Variants in CD2AP observed in about 807,000 individuals in gnomAD.
The protein encoded by CD2AP is CD2-associated protein.
In CD2AP, 46 loss-of-function variants were observed where a neutral mutation model predicts 85.1. The ratio of observed to expected loss-of-function variants is 0.54; its 90% CI spans 0.43 to 0.69. The LOEUF (loss-of-function observed/expected upper bound fraction) is 0.69. Ranked by LOEUF, CD2AP falls within the 30% of genes least tolerant of loss-of-function variation. CD2AP has a pLI of 0.00. For missense variants in CD2AP, 769 were observed against 729.5 expected, an observed-to-expected ratio of 1.05 and a Z score of -0.62; for synonymous variants, 255 against 252.9, an observed-to-expected ratio of 1.01 and a Z score of -0.08.
intron 11 of CD2AP, among the ~76,000 whole-genome samples, chr6:47,593,683 A>C (rs1043618345): frequency 3.3e-5 from 5 of 152,126 alleles, no homozygotes; most frequent in African/African-American, 1.2e-4. Context: ...GATGTGGAGA[A>C]ATTGGACTTT....
At chr6:47,589,349 A>G (rs1768711345) in intron 11 of CD2AP, among the ~76,000 whole-genome samples, 1 of 109,500 alleles carries the variant, frequency 9.1e-6, no homozygotes, top group South Asian at 3.1e-4. Flanking sequence ...ACATTTAAGA[A>G]GTTGTTTGAT....
intron 11 of CD2AP, among the ~76,000 whole-genome samples, chr6:47,589,565 C>CACATATAT (rs139814970): frequency 5.0e-5 from 6 of 120,942 alleles, no homozygotes; most frequent in South Asian, 3.0e-4. Flanking sequence ...CACACACACA[C>CACATATAT]ATATATATAT....
intron 4 of CD2AP, among the ~76,000 whole-genome samples, chr6:47,548,439 A>T (rs1346619458): frequency 6.6e-6 from 1 of 152,118 alleles, no homozygotes; most frequent in Non-Finnish European, 1.5e-5. Flanking sequence ...CTGCACATAA[A>T]CTAGAAAACC....
intron 17 of CD2AP, among the ~76,000 whole-genome samples, chr6:47,620,743 T>A (rs181686163): frequency 6.6e-5 from 10 of 152,218 alleles, no homozygotes; most frequent in Admixed American, 1.3e-4. Context: ...GTAGTTTTCC[T>A]TGTAGAGGTC....
intron 17 of CD2AP, among the ~76,000 whole-genome samples, chr6:47,623,283 G>A (rs1355881217): frequency 6.6e-6 from 1 of 152,208 alleles, no homozygotes; most frequent in African/African-American, 2.4e-5. Context: ...GCCAAAGCAT[G>A]TATTGTTTAT....
chr6:47,582,483 T>C (rs1768506725), intron 11 of CD2AP, among the ~76,000 whole-genome samples: 1 of 152,224 alleles, frequency 6.6e-6, no homozygotes, highest in Non-Finnish European at 1.5e-5. Flanking sequence ...TGGAAAGTTA[T>C]TCCAGGGTAC....
At chr6:47,617,856 T>C (rs1224014048) in intron 17 of CD2AP, among the ~76,000 whole-genome samples, 1 of 152,236 alleles carries the variant, frequency 6.6e-6, no homozygotes, top group Non-Finnish European at 1.5e-5. Flanking sequence ...CTTTACTTGC[T>C]GATTCTCCAT....
At chr6:47,606,060 T>C in intron 13 of CD2AP, 105 bp from the exon 14 acceptor site, 1 of 674,026 alleles carries the variant, frequency 1.5e-6, no homozygotes, top group Non-Finnish European at 2.6e-6. Flanking sequence ...TTCAAAGTAG[T>C]GGTACTCTTT....
chr6:47,576,430 A>G, intron 6 of CD2AP, 94 bp from the exon 7 acceptor site: 1 of 857,248 alleles, frequency 1.2e-6, no homozygotes, highest in Non-Finnish European at 2.0e-6. Context: ...AAGTACCATT[A>G]GGGAAAGCTG....
rs186496791 is a variant in CD2AP, at chr6:47,500,151, T to G, written c.5-3129T>G. Among the ~76,000 whole-genome samples the G allele has an allele frequency of 1.1e-3, 163 of 152,354 alleles. No individual in the cohort carries two copies. In the South Asian group the frequency reaches 0.012, roughly 11 times the overall value. On this transcript the variant is annotated intron_variant, in intron 1 of 17. Coordinates refer to ENST00000359314, the MANE Select transcript of CD2AP (RefSeq NM_012120.3). ...ATTCATCCATAATAGCTGTACTAGT[T>G]TTCCTAAGCTATTTTTTATTTTTTT...
chr6:47,545,567 C>T (rs1012953190), intron 4 of CD2AP, among the ~76,000 whole-genome samples: 4 of 152,256 alleles, frequency 2.6e-5, no homozygotes, highest in African/African-American at 9.6e-5. Flanking sequence ...GTGCATTAAA[C>T]AGCCAGAGCT....
chr6:47,545,469 G>A (rs927331814), intron 4 of CD2AP, among the ~76,000 whole-genome samples: 1 of 152,062 alleles, frequency 6.6e-6, no homozygotes, highest in African/African-American at 2.4e-5. Flanking sequence ...CTAAGGCCCA[G>A]CCTATCACCT....
chr6:47,495,373 C>A (rs1765834529), intron 1 of CD2AP, among the ~76,000 whole-genome samples: 1 of 152,076 alleles, frequency 6.6e-6, no homozygotes, highest in Non-Finnish European at 1.5e-5. Flanking sequence ...CTGGCAGCCA[C>A]CAGAAGCCAG....
chr6:47,624,163 T>C lies in CD2AP; in HGVS notation c.1879-23T>C, dbSNP rs534735677. 3.4e-4 allele frequency: 539 copies of C among 1,581,010 alleles called. 5 individuals carry two copies. In the South Asian group the frequency reaches 5.7e-3, roughly 17 times the overall value. ...TAAACTAAGGATATTTTATGTTTGC[T>C]CAATTTATGTTTTTTGTTTTAGATG... On this transcript the variant is annotated intron_variant, in intron 17 of 17. Transcript: ENST00000359314.
chr6:47,595,869 T>A lies in CD2AP; in HGVS notation c.1117T>A (p.Ser373Thr). The A allele has an allele frequency of 6.2e-7, 1 of 1,611,804 alleles. No individual in the cohort carries two copies. The highest frequency in any genetic ancestry group is 1.1e-5 in the South Asian group (1 of 90,918). The stretch of plus-strand genomic sequence containing the variant: ...AATATTTTAAATCTTAGATGAAAAA[T>A]CAACACTGGAACAGAAACCTTCTAA... ...SLKPEEKDEKSTLEQKPSKPA... is the reference protein window; with the variant it reads ...SLKPEEKDEKTTLEQKPSKPA... The change falls in exon 12 of 18, where the codon TCA (serine) becomes ACA (threonine). Residue 373 changes from serine to threonine, a missense_variant. Coordinates refer to ENST00000359314, the MANE Select transcript of CD2AP (RefSeq NM_012120.3).
At chr6:47,520,921 C>T (rs927061843) in intron 2 of CD2AP, among the ~76,000 whole-genome samples, 1 of 151,808 alleles carries the variant, frequency 6.6e-6, no homozygotes, top group Non-Finnish European at 1.5e-5. Context: ...GCAGACTTCT[C>T]CAGTACCTAG....
chr6:47,518,160 A>G (rs1766501126), intron 2 of CD2AP, among the ~76,000 whole-genome samples: 1 of 152,180 alleles, frequency 6.6e-6, no homozygotes. Flanking sequence ...AAAATGGGAG[A>G]CTTCAAAGAG....
At chr6:47,592,484 A>C (rs546544108) in intron 11 of CD2AP, among the ~76,000 whole-genome samples, 2 of 152,256 alleles carry the variant, frequency 1.3e-5, no homozygotes, top group South Asian at 2.1e-4. Context: ...ATGTGCATTT[A>C]ATATTTGTCC....
chr6:47,596,092 G>A, intron 12 of CD2AP, 66 bp downstream of exon 12: 1 of 1,131,758 alleles, frequency 8.8e-7, no homozygotes, highest in Non-Finnish European at 1.3e-6. Context: ...TGGCTCTATT[G>A]CCTTTCTAAA....
Sources: allele counts gnomAD v4.1 joint callset (sites outside exome capture counted in the v4.1 genomes callset), GRCh38; gene constraint gnomAD v4.1.1; transcripts MANE v1.5; gene names NCBI Gene and HGNC (gene_info 2026-07-23, HGNC 2026-07-21).